The following ASAH2B variants were observed in gnomAD, a reference collection of about 807,000 sequenced individuals.
ASAH2B encodes N-acylsphingosine amidohydrolase 2B, also known as putative inactive neutral ceramidase B.
A neutral mutation model predicts 2.9 loss-of-function variants in ASAH2B; 1 was observed. That is an observed-to-expected ratio of 0.34 (90% confidence interval 0.12 to 1.63). The LOEUF is 1.63. ASAH2B is among the 40% of genes most tolerant of loss of function. ASAH2B has a pLI of 0.36. For synonymous variants in ASAH2B, 4 were observed against 13.3 expected, an observed-to-expected ratio of 0.30 and a Z score of 1.52; for missense variants, 9 against 37.7, an observed-to-expected ratio of 0.24 and a Z score of 1.99.
Position 50,755,004 on chromosome 10 carries a change from G to A in ASAH2B, c.*264G>A. 6 of 437,064 alleles carry A rather than the reference G, an allele frequency of 1.4e-5. No individual in the cohort carries two copies. The highest frequency in any genetic ancestry group is 2.5e-5 in the Non-Finnish European group (6 of 241,102). The allele number at this position is 437,064 out of a possible 1,614,324, so 27.1% of individuals were successfully genotyped here. On this transcript the variant is annotated 3_prime_UTR_variant, in exon 6 of 6. Transcript: ENST00000647317. ...TCTTGTTCCAGCAGCCATATATCTT[G>A]TGGTCTACAGCCTAAAGCATGATTT...
rs1341724294 is a variant in ASAH2B at position 50,756,377 on chromosome 10, C to T, written c.*1637C>T. The T allele has an allele frequency of 1.3e-5, 2 of 151,644 alleles. No homozygotes were observed. The highest frequency in any genetic ancestry group is 4.8e-5 in the African/African-American group (2 of 41,380). 9.4% of individuals were successfully genotyped at this position (151,644 alleles called of 1,614,324 possible). A position where few individuals can be genotyped will look rare whatever the true frequency, so the allele number is the denominator to read the frequency against. ...TGGAGGATTAGGTAATCAGGGATTC[C>T]AAGTGTTGTGATCTTTTTTCTGATG... On this transcript the variant is annotated 3_prime_UTR_variant, in exon 6 of 6. Transcript: ENST00000647317.
chr10:50,747,868 C>A (rs1839931014), intron 3 of ASAH2B, among the ~76,000 whole-genome samples: 1 of 151,156 alleles, frequency 6.6e-6, no homozygotes, highest in Non-Finnish European at 1.5e-5. Context: ...GTTGTCTTTG[C>A]CTTTGGTATT....
At chr10:50,742,752 T>C (rs1839849568) in intron 1 of ASAH2B, among the ~76,000 whole-genome samples, 163 bp from the exon 2 acceptor site, 1 of 152,166 alleles carries the variant, frequency 6.6e-6, no homozygotes, top group Non-Finnish European at 1.5e-5. Context: ...CCTTGGCCAG[T>C]AAATGGAAAT....
chr10:50,740,676 C>G (rs1839816904), intron 1 of ASAH2B, among the ~76,000 whole-genome samples: 1 of 152,190 alleles, frequency 6.6e-6, no homozygotes, highest in South Asian at 2.1e-4. Context: ...GGAATTAATA[C>G]AGGACCTTAA....
Position 50,756,451 on chromosome 10 carries a change from A to G in ASAH2B, c.*1711A>G, listed in dbSNP as rs1472772825. Reference sequence around the variant, plus strand: ...GTTCAGAAGCCTAAAAGAACAAGTGATCCTGAAAGTAGCTGATTCCAGACA... The same window carrying G: ...GTTCAGAAGCCTAAAAGAACAAGTGGTCCTGAAAGTAGCTGATTCCAGACA... On this transcript the variant is annotated 3_prime_UTR_variant, in exon 6 of 6. Coordinates refer to ENST00000647317, the MANE Select transcript of ASAH2B (RefSeq NM_001321958.2). 6.6e-6 allele frequency: 1 copy of G among 151,986 alleles called. No homozygotes were observed. Among genetic ancestry groups the G allele is most frequent in the Non-Finnish European group, 1.5e-5 (1 of 67,896 alleles). 9.4% of individuals were successfully genotyped at this position (151,986 alleles called of 1,614,324 possible).
Position 50,756,631 on chromosome 10 carries a change from A to C in ASAH2B, c.*1891A>C, listed in dbSNP as rs1381958693. On this transcript the variant is annotated 3_prime_UTR_variant, in exon 6 of 6. Coordinates refer to ENST00000647317, the MANE Select transcript of ASAH2B (RefSeq NM_001321958.2). ...TGATAGCTCACTGGCAACTGTACCA[A>C]GGTGGCCACTGTATCATCTACTGAT... 1 of 151,960 alleles carries C rather than the reference A, an allele frequency of 6.6e-6. No homozygotes were observed. Among genetic ancestry groups the C allele is most frequent in the African/African-American group, 2.4e-5 (1 of 41,428 alleles). The allele number at this position is 151,960 out of a possible 1,614,324, so 9.4% of individuals were successfully genotyped here. A position where few individuals can be genotyped will look rare whatever the true frequency, so the allele number is the denominator to read the frequency against.
At chr10:50,742,866 G>A (rs1299748435) in intron 1 of ASAH2B, 49 bp from the exon 2 acceptor site, 13 of 1,595,242 alleles carry the variant, frequency 8.1e-6, no homozygotes, top group Admixed American at 1.7e-5. Flanking sequence ...CTCTGTAAAT[G>A]GATTTAAATA....
chr10:50,758,250 T>TG lies in ASAH2B; in HGVS notation c.*3510_*3511insG, dbSNP rs1350212192. 1 of 109,852 alleles carries TG rather than the reference T, an allele frequency of 9.1e-6. No homozygotes were observed. 6.8% of individuals were successfully genotyped at this position (109,852 alleles called of 1,614,324 possible). ...ATAAAATTATGTTAGTCAAGACAGA[T>TG]TAGTTATGCTACAACATTAGAGATT... On this transcript the variant is annotated 3_prime_UTR_variant, in exon 6 of 6. Transcript: ENST00000647317.
Position 50,757,203 on chromosome 10 carries a change from A to C in ASAH2B, c.*2463A>C, listed in dbSNP as rs1472425488. On this transcript the variant is annotated 3_prime_UTR_variant, in exon 6 of 6. Transcript: ENST00000647317. ...CACTCATAAAAGTATTGTCTAATGAAAGGTAATGTAGACAAACGAACACTT... is the reference window on the plus strand; with the variant it reads ...CACTCATAAAAGTATTGTCTAATGACAGGTAATGTAGACAAACGAACACTT... 1 of 151,518 alleles carries C rather than the reference A, an allele frequency of 6.6e-6. No individual in the cohort carries two copies. The highest frequency in any genetic ancestry group is 1.5e-5 in the Non-Finnish European group (1 of 67,676). 9.4% of individuals were successfully genotyped at this position (151,518 alleles called of 1,614,324 possible). A position where few individuals can be genotyped will look rare whatever the true frequency, so the allele number is the denominator to read the frequency against.
Position 50,756,060 on chromosome 10 carries a change from G to T in ASAH2B, c.*1320G>T, listed in dbSNP as rs1179217600. The T allele has an allele frequency of 1.9e-5, 2 of 106,090 alleles. No individual in the cohort carries two copies. The highest frequency in any genetic ancestry group is 4.2e-3 in the Middle Eastern group (1 of 238). The allele number at this position is 106,090 out of a possible 1,614,324, so 6.6% of individuals were successfully genotyped here. On this transcript the variant is annotated 3_prime_UTR_variant, in exon 6 of 6. Transcript: ENST00000647317. Reference sequence around the variant, plus strand: ...CATCGATTGTCTGAAAGTACTAATTGCATTTAAAATTCTTTAAGTTAACTA... The same window carrying T: ...CATCGATTGTCTGAAAGTACTAATTTCATTTAAAATTCTTTAAGTTAACTA...
At chr10:50,747,105 C>T (rs1287897745) in intron 3 of ASAH2B, among the ~76,000 whole-genome samples, 2 of 146,502 alleles carry the variant, frequency 1.4e-5, no homozygotes, top group African/African-American at 5.1e-5. Flanking sequence ...TGGAACTTTT[C>T]CTCTAGGTTT....
chr10:50,754,292 G>A (rs1837035300), intron 5 of ASAH2B, among the ~76,000 whole-genome samples: 2 of 134,648 alleles, frequency 1.5e-5, no homozygotes, highest in Admixed American at 7.4e-5. Context: ...GTTTCCTGGG[G>A]TGAGTATAAT....
chr10:50,755,483 G>T lies in ASAH2B; in HGVS notation c.*743G>T, dbSNP rs1257381854. 1 of 101,582 alleles carries T rather than the reference G, an allele frequency of 9.8e-6. No individual in the cohort carries two copies. The allele number at this position is 101,582 out of a possible 1,614,324, so 6.3% of individuals were successfully genotyped here. A position where few individuals can be genotyped will look rare whatever the true frequency, so the allele number is the denominator to read the frequency against. On this transcript the variant is annotated 3_prime_UTR_variant, in exon 6 of 6. Coordinates refer to ENST00000647317, the MANE Select transcript of ASAH2B (RefSeq NM_001321958.2). ...TTGATCATGCCTTGTGTCTTCCTAA[G>T]TGTCCTTATCCCACTGGATTGTGTC...
At position 50,756,503 on chromosome 10, in the gene ASAH2B, T is replaced by C. The variant is rs1164849727; in HGVS notation, c.*1763T>C. On this transcript the variant is annotated 3_prime_UTR_variant, in exon 6 of 6. Transcript: ENST00000647317. Reference sequence around the variant, plus strand: ...GAAAATTATATTAGAACTCATGATATGGTTTTTTAAAGTATTTGTTATTAC... The same window carrying C: ...GAAAATTATATTAGAACTCATGATACGGTTTTTTAAAGTATTTGTTATTAC... 11 of 152,110 alleles carry C rather than the reference T, an allele frequency of 7.2e-5. No homozygotes were observed. In the East Asian group the frequency reaches 1.4e-3, roughly 19 times the overall value. The allele number at this position is 152,110 out of a possible 1,614,324, so 9.4% of individuals were successfully genotyped here.
chr10:50,754,170 T>C (rs1314811937), intron 5 of ASAH2B, among the ~76,000 whole-genome samples: 1 of 151,312 alleles, frequency 6.6e-6, no homozygotes, highest in Non-Finnish European at 1.5e-5. Flanking sequence ...CACACACATA[T>C]ATATATATAG....
chr10:50,741,832 T>C (rs577672384), intron 1 of ASAH2B, among the ~76,000 whole-genome samples: 1 of 152,188 alleles, frequency 6.6e-6, no homozygotes, highest in South Asian at 2.1e-4. Flanking sequence ...GAGAATGCTT[T>C]GATAAAATTT....
chr10:50,756,336 C>T lies in ASAH2B; in HGVS notation c.*1596C>T, dbSNP rs950429647. On this transcript the variant is annotated 3_prime_UTR_variant, in exon 6 of 6. Transcript: ENST00000647317. ...GAATTGGTATCCTAGAGGCTGTTTCCTTGGGCCTTAACTGCTGGAGGATTA... is the reference window on the plus strand; with the variant it reads ...GAATTGGTATCCTAGAGGCTGTTTCTTTGGGCCTTAACTGCTGGAGGATTA... 2.0e-5 allele frequency: 3 copies of T among 151,398 alleles called. No individual in the cohort carries two copies. The highest frequency in any genetic ancestry group is 7.3e-5 in the African/African-American group (3 of 41,350). The allele number at this position is 151,398 out of a possible 1,614,324, so 9.4% of individuals were successfully genotyped here.
chr10:50,747,058 T>TA lies in ASAH2B; in HGVS notation c.144+1796dup, dbSNP rs200474260. On this transcript the variant is annotated intron_variant, in intron 3 of 5. Transcript: ENST00000647317. ...GTTGCTTTTGCATTAGGGGTCATAT[T>TA]AAAAAAAAAAAACAAACATCACCTA... Among the ~76,000 whole-genome samples, 192 of 142,426 alleles carry TA rather than the reference T, an allele frequency of 1.3e-3. 2 individuals carry two copies. The East Asian group carries it at 0.014, about 10-fold the overall frequency. The allele number at this position is 142,426 out of a possible 152,430, so 93.4% of individuals were successfully genotyped here. A position where few individuals can be genotyped will look rare whatever the true frequency, so the allele number is the denominator to read the frequency against.
rs1217115550 is a variant in ASAH2B, at chr10:50,756,452, T to C, written c.*1712T>C. On this transcript the variant is annotated 3_prime_UTR_variant, in exon 6 of 6. Coordinates refer to ENST00000647317, the MANE Select transcript of ASAH2B (RefSeq NM_001321958.2). ...TTCAGAAGCCTAAAAGAACAAGTGA[T>C]CCTGAAAGTAGCTGATTCCAGACAA... 1 of 151,962 alleles carries C rather than the reference T, an allele frequency of 6.6e-6. No individual in the cohort carries two copies. Among genetic ancestry groups the C allele is most frequent in the African/African-American group, 2.4e-5 (1 of 41,432 alleles). 9.4% of individuals were successfully genotyped at this position (151,962 alleles called of 1,614,324 possible).
Sources: allele counts gnomAD v4.1 joint callset (sites outside exome capture counted in the v4.1 genomes callset), GRCh38; gene constraint gnomAD v4.1.1; transcripts MANE v1.5; gene names NCBI Gene and HGNC (gene_info 2026-07-23, HGNC 2026-07-21).